The following GDPD4 variants were observed in gnomAD, a reference collection of about 807,000 sequenced individuals.
GDPD4 encodes the protein glycerophosphodiester phosphodiesterase domain containing 4.
GDPD4 carries 60 observed loss-of-function variants against 67.8 expected under a neutral mutation model. The observed-to-expected ratio is 0.88, with a 90% confidence interval of 0.72 to 1.10. GDPD4 has a LOEUF of 1.10. GDPD4 is among the 50% of genes least tolerant of loss of function. GDPD4 has a pLI of 0.00. For missense variants in GDPD4, 623 were observed against 613.9 expected (o/e 1.01, Z -0.16); for synonymous variants, 212 against 210.9 (o/e 1.00, Z -0.04).
rs778847034 is a variant in GDPD4, at chr11:77,243,874, C to A, written c.1087-26G>T. 6.9e-6 allele frequency: 11 copies of A among 1,588,694 alleles called. No individual in the cohort carries two copies. In the African/African-American group the frequency reaches 1.2e-4, roughly 17 times the overall value. ...CTCTAAGGAGAAACAAGAAGTCCCT[C>A]AGTAGATAATCAGCTATCCAGGTAC... On this transcript the variant is annotated intron_variant, in intron 12 of 16. Coordinates refer to ENST00000315938, the MANE Select transcript of GDPD4 (RefSeq NM_182833.3).
intron 13 of GDPD4, among the ~76,000 whole-genome samples, chr11:77,235,018 T>TG (rs1365683501): frequency 2.5e-4 from 32 of 129,156 alleles, no homozygotes; most frequent in African/African-American, 8.3e-4. Context: ...TGTTTTTTTT[T>TG]TTTTTTTTTT....
chr11:77,253,569 C>T (rs1196494061), intron 11 of GDPD4, among the ~76,000 whole-genome samples: 3 of 152,084 alleles, frequency 2.0e-5, no homozygotes, highest in African/African-American at 7.2e-5. Flanking sequence ...GGGTATCTCT[C>T]CTCAGACACT....
chr11:77,258,908 A>G (rs1365488595), intron 10 of GDPD4, among the ~76,000 whole-genome samples: 2 of 152,186 alleles, frequency 1.3e-5, no homozygotes, highest in Non-Finnish European at 2.9e-5. Context: ...AGGTGTCCAC[A>G]CAGTTTTCCT....
intron 5 of GDPD4, among the ~76,000 whole-genome samples, chr11:77,273,716 T>A (rs921515357): frequency 2.0e-5 from 3 of 152,226 alleles, no homozygotes; most frequent in Non-Finnish European, 4.4e-5. Context: ...CCTAGGCTCA[T>A]TGGTAGCCTA....
chr11:77,251,896 C>CT lies in GDPD4; in HGVS notation c.865-6395dup, dbSNP rs541192055. ...TCTTTATTCTTTTTCATTCTCATTTCTTTTTTTCTCCTCTGGGTAATTTTC... is the reference window on the plus strand; with the variant it reads ...TCTTTATTCTTTTTCATTCTCATTTCTTTTTTTTCTCCTCTGGGTAATTTTC... On this transcript the variant is annotated intron_variant, in intron 11 of 16. Coordinates refer to ENST00000315938, the MANE Select transcript of GDPD4 (RefSeq NM_182833.3). Among the ~76,000 whole-genome samples, 56 of 152,022 alleles carry CT rather than the reference C, an allele frequency of 3.7e-4. 2 individuals carry two copies. The South Asian group carries it at 0.011, about 30-fold the overall frequency.
At position 77,295,145 on chromosome 11, in the gene GDPD4, G is replaced by T. The variant is rs186193559; in HGVS notation, c.-254+6460C>A. On this transcript the variant is annotated intron_variant, in intron 1 of 16. Coordinates refer to ENST00000315938, the MANE Select transcript of GDPD4 (RefSeq NM_182833.3). ...ACATCCAGCTAATTTTGTTGTTGTT[G>T]TTGTTTTTGTTTTTGTATTTTTAGT... Among the ~76,000 whole-genome samples the T allele has an allele frequency of 2.7e-3, 408 of 151,184 alleles. 2 individuals carry two copies. The highest frequency in any genetic ancestry group is 4.2e-3 in the Non-Finnish European group (282 of 67,702).
At position 77,245,266 on chromosome 11, in the gene GDPD4, C is replaced by A. The variant is rs768126999; in HGVS notation, c.1086+15G>T. 3.7e-6 allele frequency: 6 copies of A among 1,603,656 alleles called. No individual in the cohort carries two copies. The highest frequency in any genetic ancestry group is 5.1e-6 in the Non-Finnish European group (6 of 1,170,676). ...CACCTCCCAACCTATGTCATAAATA[C>A]TGAGATAGACTTACCAGATGTTGCT... is the stretch of plus-strand genomic sequence containing the variant. On this transcript the variant is annotated intron_variant, in intron 12 of 16. Coordinates refer to ENST00000315938, the MANE Select transcript of GDPD4 (RefSeq NM_182833.3).
chr11:77,249,788 AC>A (rs1958853311), intron 11 of GDPD4, among the ~76,000 whole-genome samples: 1 of 152,030 alleles, frequency 6.6e-6, no homozygotes, highest in Non-Finnish European at 1.5e-5. Context: ...AAATCTTTCT[AC>A]GTTTTTTGAT....
At chr11:77,250,704 A>G (rs1025221024) in intron 11 of GDPD4, among the ~76,000 whole-genome samples, 3 of 152,082 alleles carry the variant, frequency 2.0e-5, no homozygotes, top group African/African-American at 7.2e-5. Flanking sequence ...TTTCAATCCA[A>G]TGTTGATCTT....
At chr11:77,291,296 C>T (rs945006966) in intron 1 of GDPD4, among the ~76,000 whole-genome samples, 8 of 152,142 alleles carry the variant, frequency 5.3e-5, no homozygotes, top group African/African-American at 1.7e-4. Context: ...TGTGTTCTCA[C>T]TCATGTGGGA....
intron 8 of GDPD4, among the ~76,000 whole-genome samples, 197 bp downstream of exon 8, chr11:77,269,685 TC>T (rs1959196865): frequency 6.6e-6 from 1 of 151,864 alleles, no homozygotes; most frequent in African/African-American, 2.4e-5. Context: ...ATCATTTGCT[TC>T]CCCCTCTTTC....
intron 13 of GDPD4, among the ~76,000 whole-genome samples, chr11:77,242,929 A>G (rs1958699491): frequency 1.7e-5 from 1 of 58,734 alleles, no homozygotes; most frequent in Admixed American, 1.9e-4. Context: ...TCTATTATCT[A>G]TAATCTATTA....
rs202205055 is a variant in GDPD4, at chr11:77,279,320, A to G, written c.133T>C (p.Ser45Pro). 1.3e-4 allele frequency: 211 copies of G among 1,607,106 alleles called. 1 individual carries two copies. In the South Asian group the frequency reaches 2.2e-3, roughly 17 times the overall value. ...GCATTACTCACCAACAGCAATGAAG[A>G]GTAGGCAGTCAGGATCCTAGCTAAA... is the stretch of plus-strand genomic sequence containing the variant. ...LSLARILTAY[S>P]SLLLLLGFLL... is the part of the protein sequence containing the mutation. The change falls in exon 4 of 17, where the codon TCT becomes CCT. Residue 45 changes from serine to proline, a missense_variant. By Grantham distance (74) the Ser-to-Pro change is moderately conservative. Coordinates refer to ENST00000315938, the MANE Select transcript of GDPD4 (RefSeq NM_182833.3).
chr11:77,254,520 A>G (rs1022224325), intron 11 of GDPD4, among the ~76,000 whole-genome samples: 34 of 152,122 alleles, frequency 2.2e-4, no homozygotes, highest in African/African-American at 7.2e-4. Context: ...TTCTAGTTGA[A>G]TATCTTGCTG....
chr11:77,284,935 G>C, intron 3 of GDPD4, 150 bp downstream of exon 3: 4 of 646,276 alleles, frequency 6.2e-6, no homozygotes, highest in Non-Finnish European at 8.3e-6. Context: ...CTGCCCCAGA[G>C]GCAGGCCTCT....
chr11:77,290,710 G>C (rs536318100), intron 1 of GDPD4, among the ~76,000 whole-genome samples: 241 of 152,094 alleles, frequency 1.6e-3, no homozygotes, highest in Non-Finnish European at 3.1e-3. Flanking sequence ...GGAAAACCAA[G>C]AACAAACCAA....
At chr11:77,295,426 A>G (rs1946004) in intron 1 of GDPD4, among the ~76,000 whole-genome samples, 113,427 of 151,924 alleles carry the variant, frequency 0.75, 43,439 homozygotes, top group African/African-American at 0.93. Flanking sequence ...GAGCCCAGGA[A>G]TTTGAGACCA....
chr11:77,246,418 C>A lies in GDPD4; in HGVS notation c.865-916G>T, dbSNP rs987188876. Among the ~76,000 whole-genome samples, 5 of 152,260 alleles carry A rather than the reference C, an allele frequency of 3.3e-5. No homozygotes were observed. The East Asian group carries it at 9.6e-4, about 29-fold the overall frequency. Reference sequence around the variant, plus strand: ...GCTAATGTATGTAAAAATAGCTAAGCATGAGAAGAAACTAAAATTATTAAC... The same window carrying A: ...GCTAATGTATGTAAAAATAGCTAAGAATGAGAAGAAACTAAAATTATTAAC... On this transcript the variant is annotated intron_variant, in intron 11 of 16. Coordinates refer to ENST00000315938, the MANE Select transcript of GDPD4 (RefSeq NM_182833.3).
intron 1 of GDPD4, among the ~76,000 whole-genome samples, chr11:77,296,991 T>G (rs1591587319): frequency 6.7e-6 from 1 of 149,650 alleles, no homozygotes; most frequent in Non-Finnish European, 1.5e-5. Flanking sequence ...GAGACGGAGG[T>G]TGCAGTGAGC....
Sources: gnomAD v4.1 joint callset for allele counts (sites outside exome capture counted in the v4.1 genomes callset) on GRCh38, gnomAD v4.1.1 for gene constraint, MANE v1.5 for transcripts, NCBI Gene and HGNC (gene_info 2026-07-23, HGNC 2026-07-21) for gene names.